Variants in COMMD2 observed in about 807,000 individuals in gnomAD.
COMMD2 encodes COMM domain containing 2.
In COMMD2, 25 loss-of-function variants were observed where a neutral mutation model predicts 22.5. The observed-to-expected ratio is 1.11, with a 90% CI of 0.81 to 1.55. The LOEUF (loss-of-function observed/expected upper bound fraction) is 1.55. Ranked by LOEUF, COMMD2 falls within the 40% of genes most tolerant of loss-of-function variation. The probability of loss-of-function intolerance (pLI) is 0.00; values close to 1 mark genes in which losing one functional copy is unlikely to be tolerated. For missense variants in COMMD2, 223 were observed against 232.9 expected (o/e 0.96, Z 0.28); for synonymous variants, 98 against 91.2 (o/e 1.07, Z -0.42).
intron 4 of COMMD2, chr3:149,750,341 T>C: frequency 2.3e-6 from 1 of 429,280 alleles, no homozygotes; most frequent in Admixed American, 2.7e-5. Context: ...CACCATGTGA[T>C]AATTCATTGA....
chr3:149,745,760 C>A (rs1242646288), intron 4 of COMMD2, among the ~76,000 whole-genome samples: 1 of 152,222 alleles, frequency 6.6e-6, no homozygotes, highest in Non-Finnish European at 1.5e-5. Context: ...ATGCCACCCA[C>A]TCTATCCCAA....
intron 4 of COMMD2, among the ~76,000 whole-genome samples, chr3:149,744,047 A>C (rs1441124938): frequency 2.0e-5 from 3 of 152,212 alleles, no homozygotes; most frequent in Non-Finnish European, 2.9e-5. Flanking sequence ...AAGAAGTTGA[A>C]TGACAGTACT....
intron 4 of COMMD2, among the ~76,000 whole-genome samples, chr3:149,746,312 AAGGAG>A (rs922539908): frequency 3.9e-5 from 6 of 152,198 alleles, no homozygotes; most frequent in Non-Finnish European, 7.3e-5. Flanking sequence ...GATGAAGGGC[AAGGAG>A]AGGAGTCAAG....
rs143514325 is a variant in COMMD2, at chr3:149,741,619, C to G, written c.502G>C (p.Asp168His). ...GDHNTKVLQT[D>H]PATLLHLVQQ... ...ACCAAATGGAGCAGGGTGGCTGGGT[C>G]TGTCTGCAGAACTTTGGTGTTGTGA... is the stretch of plus-strand genomic sequence containing the variant. The change falls in exon 5 of 5, where the codon GAC becomes CAC. Residue 168 changes from aspartate (D) to histidine (H), a missense_variant. Physicochemically the swap from Asp to His is moderately conservative, Grantham distance 81 (BLOSUM62 -1). Coordinates refer to ENST00000473414, the MANE Select transcript of COMMD2 (RefSeq NM_016094.4). 4.9e-4 allele frequency: 790 copies of G among 1,614,010 alleles called. No homozygotes were observed. Among genetic ancestry groups the G allele is most frequent in the Non-Finnish European group, 6.3e-4 (741 of 1,179,990 alleles).
chr3:149,748,218 C>T (rs1381400414), intron 4 of COMMD2, among the ~76,000 whole-genome samples: 1 of 152,100 alleles, frequency 6.6e-6, no homozygotes, highest in African/African-American at 2.4e-5. Context: ...TCAAGAGGAA[C>T]AGGAGAGAAG....
chr3:149,741,446 T>A lies in COMMD2; in HGVS notation c.*75A>T, dbSNP rs1041421078. 2.5e-6 allele frequency: 3 copies of A among 1,184,874 alleles called. No homozygotes were observed. The highest frequency in any genetic ancestry group is 3.5e-5 in the Admixed American group (2 of 57,362). The allele number at this position is 1,184,874 out of a possible 1,614,324, so 73.4% of individuals were successfully genotyped here. A position where few individuals can be genotyped will look rare whatever the true frequency, so the allele number is the denominator to read the frequency against. On this transcript the variant is annotated 3_prime_UTR_variant, in exon 5 of 5. Transcript: ENST00000473414. ...TTTATCATCATGAATTAATAAAAAA[T>A]TAATTTTGAAAAGTAATTGCTGTAT... is the stretch of plus-strand genomic sequence containing the variant.
chr3:149,742,615 T>C (rs1171266961), intron 4 of COMMD2, among the ~76,000 whole-genome samples: 1 of 152,208 alleles, frequency 6.6e-6, no homozygotes, highest in South Asian at 2.1e-4. Context: ...TCACAGAATA[T>C]GTTCAAGTTT....
rs941276762 is a variant in COMMD2 at position 149,739,249 on chromosome 3, A to G, written c.*2272T>C. ...AGAAAATTATGTTCATATACAAGCT[A>G]CAACAAATATCAAATGTTATATAAA... On this transcript the variant is annotated 3_prime_UTR_variant, in exon 5 of 5. Coordinates refer to ENST00000473414, the MANE Select transcript of COMMD2 (RefSeq NM_016094.4). 5.3e-5 allele frequency: 8 copies of G among 152,250 alleles called. No homozygotes were observed. The highest frequency in any genetic ancestry group is 1.2e-4 in the Non-Finnish European group (8 of 68,030). The allele number at this position is 152,250 out of a possible 1,614,324, so 9.4% of individuals were successfully genotyped here. A position where few individuals can be genotyped will look rare whatever the true frequency, so the allele number is the denominator to read the frequency against.
Position 149,738,878 on chromosome 3 carries a change from T to C in COMMD2, c.*2643A>G, listed in dbSNP as rs567553725. On this transcript the variant is annotated 3_prime_UTR_variant, in exon 5 of 5. Coordinates refer to ENST00000473414, the MANE Select transcript of COMMD2 (RefSeq NM_016094.4). ...ATAGCATCTTCACCACCTTTCCCGT[T>C]TACTGTCTTAAATGTGCCCAATCTC... 3 of 152,276 alleles carry C rather than the reference T, an allele frequency of 2.0e-5. No homozygotes were observed. The highest frequency in any genetic ancestry group is 7.2e-5 in the African/African-American group (3 of 41,572). 9.4% of individuals were successfully genotyped at this position (152,276 alleles called of 1,614,324 possible).
chr3:149,751,485 C>G lies in COMMD2; in HGVS notation c.146G>C (p.Arg49Thr). 1.3e-6 allele frequency: 2 copies of G among 1,585,398 alleles called. No individual in the cohort carries two copies. The highest frequency in any genetic ancestry group is 1.7e-6 in the Non-Finnish European group (2 of 1,166,506). Reference protein sequence around the residue: ...ANPKIYEGAARKLNVSSDTVQ... With the variant: ...ANPKIYEGAATKLNVSSDTVQ... Reference sequence around the variant, plus strand: ...AGTGTCACTACTCACATTGAGTTTTCCTGAGAAAGAAAAGTAAAAACGAGC... The same window carrying G: ...AGTGTCACTACTCACATTGAGTTTTGCTGAGAAAGAAAAGTAAAAACGAGC... The change falls in exon 3 of 5, where the codon AGA (arginine) becomes ACA (threonine). Residue 49 changes from arginine (R) to threonine (T), a missense_variant and splice_region_variant. Transcript: ENST00000473414.
At position 149,752,305 on chromosome 3, in the gene COMMD2, A is replaced by G. The variant is rs1466586915; in HGVS notation, c.68-18T>C. The G allele has an allele frequency of 6.2e-7, 1 of 1,614,054 alleles. No individual in the cohort carries two copies. Among genetic ancestry groups the G allele is most frequent in the Non-Finnish European group, 8.5e-7 (1 of 1,179,918 alleles). The stretch of plus-strand genomic sequence containing the variant: ...GGCGACCACTGCAATGAAAGTCAGA[A>G]GGCTGTTGAGTGCCAGGCGCTGCCT... On this transcript the variant is annotated intron_variant, in intron 1 of 4. Transcript: ENST00000473414.
At position 149,739,299 on chromosome 3, in the gene COMMD2, A is replaced by G. The variant is rs1164897076; in HGVS notation, c.*2222T>C. On this transcript the variant is annotated 3_prime_UTR_variant, in exon 5 of 5. Transcript: ENST00000473414. Reference sequence around the variant, plus strand: ...AACAAACAATGCAGGGGAATCCACAAGGATGTGGAATGTTTGAGCAAAAAA... The same window carrying G: ...AACAAACAATGCAGGGGAATCCACAGGGATGTGGAATGTTTGAGCAAAAAA... 2 of 152,198 alleles carry G rather than the reference A, an allele frequency of 1.3e-5. No individual in the cohort carries two copies. The highest frequency in any genetic ancestry group is 1.5e-5 in the Non-Finnish European group (1 of 68,024). 9.4% of individuals were successfully genotyped at this position (152,198 alleles called of 1,614,324 possible).
intron 4 of COMMD2, among the ~76,000 whole-genome samples, chr3:149,748,409 C>A (rs1259416705): frequency 1.3e-5 from 2 of 152,162 alleles, no homozygotes; most frequent in African/African-American, 2.4e-5. Flanking sequence ...CATGCATGGT[C>A]CCTGCTATCC....
chr3:149,744,391 T>C (rs980084930), intron 4 of COMMD2, among the ~76,000 whole-genome samples: 13 of 152,174 alleles, frequency 8.5e-5, no homozygotes, highest in African/African-American at 3.1e-4. Flanking sequence ...AGGAAAAGAA[T>C]GCTTTGAAGT....
At chr3:149,751,603 A>G (rs1716534516) in intron 2 of COMMD2, 118 bp from the exon 3 acceptor site, 5 of 934,388 alleles carry the variant, frequency 5.4e-6, no homozygotes, top group Non-Finnish European at 7.6e-6. Flanking sequence ...ACTGCATGAA[A>G]AACAGTAAGT....
Position 149,751,390 on chromosome 3 carries a change from G to A in COMMD2, c.228+13C>T, listed in dbSNP as rs201352294. ...AATCCAGCCAACACAAAACAGTCCA[G>A]AAAATCCCTTACCATGAGCTTTGAG... is the stretch of plus-strand genomic sequence containing the variant. On this transcript the variant is annotated intron_variant, in intron 3 of 4. Transcript: ENST00000473414. 288 of 1,614,008 alleles carry A rather than the reference G, an allele frequency of 1.8e-4. 1 individual carries two copies. In the African/African-American group the frequency reaches 3.3e-3, roughly 19 times the overall value.
chr3:149,751,281 C>G, intron 3 of COMMD2, 122 bp downstream of exon 3: 1 of 1,464,588 alleles, frequency 6.8e-7, no homozygotes, highest in Non-Finnish European at 9.1e-7. Context: ...TTCAAAAAAT[C>G]AATTATAAAC....
chr3:149,742,430 C>G (rs16862206), intron 4 of COMMD2, among the ~76,000 whole-genome samples: 2,348 of 152,224 alleles, frequency 0.015, 38 homozygotes, highest in East Asian at 0.077. Flanking sequence ...TACATTTATT[C>G]ATGATAGTAT....
chr3:149,743,188 A>C (rs1352285086), intron 4 of COMMD2, among the ~76,000 whole-genome samples: 2 of 152,154 alleles, frequency 1.3e-5, no homozygotes, highest in Admixed American at 1.3e-4. Context: ...AATATGTTCC[A>C]AAATTTAAAA....
Sources: allele counts gnomAD v4.1 joint callset (sites outside exome capture counted in the v4.1 genomes callset), GRCh38; gene constraint gnomAD v4.1.1; transcripts MANE v1.5; gene names NCBI Gene and HGNC (gene_info 2026-07-23, HGNC 2026-07-21).